Variants in ADGRL2 observed in about 807,000 individuals in gnomAD.
ADGRL2 encodes adhesion G protein-coupled receptor L2, also known as calcium-independent alpha-latrotoxin receptor 2.
A neutral mutation model predicts 157.4 loss-of-function variants in ADGRL2; 44 were observed. The observed-to-expected ratio is 0.28, with a 90% confidence interval of 0.22 to 0.36. ADGRL2 has a LOEUF of 0.36. Ranked by LOEUF, ADGRL2 falls within the 10% of genes least tolerant of loss-of-function variation. The pLI, the probability that ADGRL2 is intolerant of heterozygous loss-of-function variation, is 1.00. For missense variants in ADGRL2, 1,510 were observed against 1,768.9 expected (o/e 0.85, Z 2.63); for synonymous variants, 585 against 624.7 (o/e 0.94, Z 0.95).
intron 2 of ADGRL2, among the ~76,000 whole-genome samples, chr1:81,519,938 T>C (rs2079272992): frequency 6.6e-6 from 1 of 152,194 alleles, no homozygotes; most frequent in Non-Finnish European, 1.5e-5. Context: ...GTGGTATAAT[T>C]CTTGTCAATA....
At chr1:81,882,439 A>G (rs2094012144) in intron 2 of ADGRL2, among the ~76,000 whole-genome samples, 1 of 152,182 alleles carries the variant, frequency 6.6e-6, no homozygotes, top group African/African-American at 2.4e-5. Flanking sequence ...GCTTTCTGCA[A>G]ACTGTGTCCA....
Position 81,346,468 on chromosome 1 carries a change from A to T in ADGRL2, c.-302+39959A>T, listed in dbSNP as rs1220688474. ...GGCTACTATTAACTTGTGTCTCCTC[A>T]AAATTTATATATTGGAAGCCTAACC... On this transcript the variant is annotated intron_variant, in intron 1 of 24. Transcript: ENST00000370721. Among the ~76,000 whole-genome samples the T allele has an allele frequency of 2.0e-5, 3 of 152,172 alleles. No individual in the cohort carries two copies. In the East Asian group the frequency reaches 5.8e-4, roughly 29 times the overall value.
In ADGRL2 at chr1:81,437,569, C is replaced by A. The variant is rs556410955; in HGVS notation, c.-301-7467C>A. On this transcript the variant is annotated intron_variant, in intron 1 of 24. Coordinates refer to the ADGRL2 transcript ENST00000370721. ...TCCTGTTGGATGTGTGATGTGTTTTCAATTTAATGATAATTGCCCTTCCCA... is the reference window on the plus strand; with the variant it reads ...TCCTGTTGGATGTGTGATGTGTTTTAAATTTAATGATAATTGCCCTTCCCA... 3.3e-5 allele frequency among the ~76,000 whole-genome samples: 5 copies of A among 152,306 alleles called. No individual in the cohort carries two copies. In the South Asian group the frequency reaches 1.0e-3, roughly 32 times the overall value.
At chr1:81,722,939 A>G in intron 1 of ADGRL2, 1 of 756,326 alleles carries the variant, frequency 1.3e-6, no homozygotes, top group East Asian at 2.5e-5. Flanking sequence ...TCTTGCAGAC[A>G]TGCAGGATCC....
intron 3 of ADGRL2, among the ~76,000 whole-genome samples, chr1:81,643,212 C>T (rs578017846): frequency 8.5e-5 from 13 of 152,248 alleles, no homozygotes; most frequent in Admixed American, 3.9e-4. Context: ...AAAGACTTCC[C>T]GGGACTAATA....
intron 2 of ADGRL2, among the ~76,000 whole-genome samples, chr1:81,484,900 T>G (rs1230840661): frequency 6.6e-6 from 1 of 152,168 alleles, no homozygotes; most frequent in East Asian, 1.9e-4. Context: ...AATGAGAGAT[T>G]CTACCCATAA....
At chr1:81,351,128 T>A in intron 1 of ADGRL2, among the ~76,000 whole-genome samples, 1 of 152,134 alleles carries the variant, frequency 6.6e-6, no homozygotes, top group East Asian at 1.9e-4. Context: ...CCATTACAAA[T>A]CTTGACTTTC....
In ADGRL2 at chr1:81,800,942, G is replaced by C. The variant is rs2087972667; in HGVS notation, c.-227G>C. Among the ~76,000 whole-genome samples the C allele has an allele frequency of 1.3e-5, 2 of 149,044 alleles. No homozygotes were observed. Among genetic ancestry groups the C allele is most frequent in the South Asian group, 2.1e-4 (1 of 4,826 alleles). ...TCCGGGGCGCGTTCCACGGCCGTGC[G>C]CGCGCGTCCCTCGCCGCCACCGCCG... On this transcript the variant is annotated 5_prime_UTR_variant, in exon 1 of 24. Coordinates refer to ENST00000686636, the MANE Select transcript of ADGRL2 (RefSeq NM_001366006.2).
chr1:81,431,586 C>G (rs2077321821), intron 1 of ADGRL2, among the ~76,000 whole-genome samples: 2 of 152,308 alleles, frequency 1.3e-5, no homozygotes, highest in South Asian at 4.1e-4. Context: ...AATGCAAAAC[C>G]ACATTCCGCT....
At chr1:81,843,755 T>C (rs958738844) in intron 2 of ADGRL2, among the ~76,000 whole-genome samples, 1 of 152,186 alleles carries the variant, frequency 6.6e-6, no homozygotes, top group Non-Finnish European at 1.5e-5. Context: ...CAAAAGTAAA[T>C]TTGAATTATA....
chr1:81,511,713 T>A (rs2079081714), intron 2 of ADGRL2, among the ~76,000 whole-genome samples: 1 of 152,268 alleles, frequency 6.6e-6, no homozygotes, highest in South Asian at 2.1e-4. Flanking sequence ...GCAGGGAAAG[T>A]GAGTCAAAAG....
chr1:81,585,218 T>C (rs528120412), intron 3 of ADGRL2, among the ~76,000 whole-genome samples: 1 of 152,150 alleles, frequency 6.6e-6, no homozygotes, highest in Non-Finnish European at 1.5e-5. Context: ...GCGGAGTTTT[T>C]ATTAAAGACA....
intron 3 of ADGRL2, among the ~76,000 whole-genome samples, chr1:81,624,905 C>A (rs2081878260): frequency 6.6e-6 from 1 of 152,162 alleles, no homozygotes; most frequent in Non-Finnish European, 1.5e-5. Flanking sequence ...TATTATTTTA[C>A]ATCCATCATT....
At chr1:81,987,948 G>A (rs568683511) in intron 23 of ADGRL2, 62 bp downstream of exon 23, 188 of 308,276 alleles carry the variant, frequency 6.1e-4, no homozygotes, top group African/African-American at 4.2e-3. Flanking sequence ...GATTTTTAAC[G>A]GGCACAATTA....
intron 1 of ADGRL2, among the ~76,000 whole-genome samples, chr1:81,832,337 G>T (rs1338647006): frequency 6.6e-6 from 1 of 152,102 alleles, no homozygotes; most frequent in Non-Finnish European, 1.5e-5. Context: ...TAGAGACGGG[G>T]TTTCACCATG....
At chr1:81,883,433 T>G (rs989344454) in intron 2 of ADGRL2, among the ~76,000 whole-genome samples, 6 of 152,212 alleles carry the variant, frequency 3.9e-5, no homozygotes, top group Non-Finnish European at 8.8e-5. Context: ...ACTATTGCTT[T>G]GATGTAGATT....
chr1:81,863,926 C>T (rs2093460771), intron 2 of ADGRL2, among the ~76,000 whole-genome samples: 1 of 152,100 alleles, frequency 6.6e-6, no homozygotes, highest in African/African-American at 2.4e-5. Flanking sequence ...CTTTCTTTTT[C>T]AGCAATTTTA....
At chr1:81,410,475 G>A (rs2076928699) in intron 1 of ADGRL2, among the ~76,000 whole-genome samples, 1 of 152,088 alleles carries the variant, frequency 6.6e-6, no homozygotes, top group South Asian at 2.1e-4. Context: ...ATTAGCACTG[G>A]CCTCCAAGCC....
At chr1:81,876,625 T>C (rs1319518847) in intron 2 of ADGRL2, among the ~76,000 whole-genome samples, 1 of 152,108 alleles carries the variant, frequency 6.6e-6, no homozygotes, top group Admixed American at 6.6e-5. Flanking sequence ...AGTTAAAGAC[T>C]TGTAGAAGTT....
Sources: gnomAD v4.1 joint callset for allele counts (sites outside exome capture counted in the v4.1 genomes callset) on GRCh38, gnomAD v4.1.1 for gene constraint, MANE v1.5 for transcripts, NCBI Gene and HGNC (gene_info 2026-07-23, HGNC 2026-07-21) for gene names.